Variants in FAM135B observed in about 807,000 individuals in gnomAD.
FAM135B encodes family with sequence similarity 135 member B.
In FAM135B, 43 loss-of-function variants were observed where a neutral mutation model predicts 127.7. The observed-to-expected ratio is 0.34, with a 90% CI of 0.26 to 0.43. The LOEUF (loss-of-function observed/expected upper bound fraction) is 0.43, where lower values mean the gene tolerates loss of function less well. Ranked by LOEUF, FAM135B falls within the 20% of genes least tolerant of loss-of-function variation. The probability of loss-of-function intolerance (pLI) is 1.00; values close to 1 mark genes in which losing one functional copy is unlikely to be tolerated. For missense variants in FAM135B, 1,558 were observed against 1,725.6 expected (o/e 0.90, Z 1.72); for synonymous variants, 670 against 665.1 (o/e 1.01, Z -0.11).
chr8:138,315,646 C>G (rs1052731269), intron 2 of FAM135B, among the ~76,000 whole-genome samples: 1 of 147,140 alleles, frequency 6.8e-6, no homozygotes, highest in African/African-American at 2.5e-5. Context: ...TACACATGCA[C>G]TCAAACAATG....
At chr8:138,481,912 A>T (rs1424202293) in intron 1 of FAM135B, among the ~76,000 whole-genome samples, 2 of 152,220 alleles carry the variant, frequency 1.3e-5, no homozygotes, top group Non-Finnish European at 2.9e-5. Context: ...AAATGATTGG[A>T]ATAGTCAGGC....
chr8:138,209,805 T>C (rs747461845), intron 7 of FAM135B, among the ~76,000 whole-genome samples: 10 of 152,050 alleles, frequency 6.6e-5, no homozygotes, highest in Non-Finnish European at 1.5e-4. Flanking sequence ...AGAGGTTAAG[T>C]CAATGGCCCC....
intron 11 of FAM135B, among the ~76,000 whole-genome samples, chr8:138,176,940 G>A (rs554306712): frequency 2.5e-4 from 38 of 152,222 alleles, no homozygotes; most frequent in African/African-American, 8.7e-4. Context: ...TAATTACGTA[G>A]TTCAGACTTA....
chr8:138,169,363 T>G (rs1356633325), intron 11 of FAM135B, among the ~76,000 whole-genome samples: 2 of 152,060 alleles, frequency 1.3e-5, no homozygotes, highest in East Asian at 3.9e-4. Flanking sequence ...TGTTCTTCTC[T>G]GAATATTTAA....
At chr8:138,428,556 G>C (rs1363565135) in intron 1 of FAM135B, among the ~76,000 whole-genome samples, 1 of 152,024 alleles carries the variant, frequency 6.6e-6, no homozygotes, top group South Asian at 2.1e-4. Flanking sequence ...CAATTTGCAG[G>C]TGTGTTAATG....
intron 1 of FAM135B, among the ~76,000 whole-genome samples, chr8:138,446,991 G>A (rs201625531): frequency 8.3e-4 from 126 of 152,190 alleles, no homozygotes; most frequent in East Asian, 5.8e-3. Flanking sequence ...AAAAGTGGGC[G>A]AAGGATATGA....
In FAM135B at chr8:138,141,569, A is replaced by G. The variant is rs1817151592; in HGVS notation, c.3639-220T>C. Among the ~76,000 whole-genome samples the G allele has an allele frequency of 6.6e-6, 1 of 152,216 alleles. No homozygotes were observed. Among genetic ancestry groups the G allele is most frequent in the Non-Finnish European group, 1.5e-5 (1 of 68,038 alleles). ...CTTTGTGAATGGGAGCTTTGTGCCC[A>G]GTCAGGGGAGAAGTGTGGGCATTTC... On this transcript the variant is annotated intron_variant, in intron 16 of 19. Coordinates refer to ENST00000395297, the MANE Select transcript of FAM135B (RefSeq NM_015912.4). This position sits in a 1 kb window ranked among gnomAD's most constrained non-coding sequence, Gnocchi z 4.7.
intron 1 of FAM135B, among the ~76,000 whole-genome samples, chr8:138,379,272 C>G (rs1036485977): frequency 2.6e-5 from 4 of 152,124 alleles, no homozygotes; most frequent in Non-Finnish European, 4.4e-5. Flanking sequence ...TTACGGGTTA[C>G]CCTAATCGAA....
intron 7 of FAM135B, among the ~76,000 whole-genome samples, chr8:138,228,950 T>C (rs1819690462): frequency 6.6e-6 from 1 of 152,176 alleles, no homozygotes; most frequent in Non-Finnish European, 1.5e-5. Flanking sequence ...GTTAGTCTGC[T>C]GATTGGGTTC....
chr8:138,269,842 A>G (rs1226471674), intron 3 of FAM135B, among the ~76,000 whole-genome samples: 1 of 152,154 alleles, frequency 6.6e-6, no homozygotes, highest in Non-Finnish European at 1.5e-5. Flanking sequence ...CAAAATCCAA[A>G]CAGATTTCTT....
In FAM135B at chr8:138,214,941, G is replaced by T. The variant is rs549888983; in HGVS notation, c.670-17272C>A. On this transcript the variant is annotated intron_variant, in intron 7 of 19. Transcript: ENST00000395297. ...GATAAGAAGGAATTAGGACATATTTGCAGGCAGTGGAAGAAGGGGAAGAGG... is the reference window on the plus strand; with the variant it reads ...GATAAGAAGGAATTAGGACATATTTTCAGGCAGTGGAAGAAGGGGAAGAGG... 3.3e-5 allele frequency among the ~76,000 whole-genome samples: 5 copies of T among 152,298 alleles called. No homozygotes were observed. In the South Asian group the frequency reaches 1.0e-3, roughly 32 times the overall value.
intron 1 of FAM135B, among the ~76,000 whole-genome samples, chr8:138,393,501 T>C (rs1587335775): frequency 6.6e-6 from 1 of 151,236 alleles, no homozygotes; most frequent in Admixed American, 6.6e-5. Flanking sequence ...CCATAAATGG[T>C]GCTAGGTCCT....
chr8:138,478,427 A>C (rs887527756), intron 1 of FAM135B, among the ~76,000 whole-genome samples: 7 of 152,120 alleles, frequency 4.6e-5, no homozygotes, highest in African/African-American at 1.7e-4. Context: ...CCTTGATTCC[A>C]TAGTCCCTCA....
chr8:138,254,946 C>G (rs1019288916), intron 5 of FAM135B, among the ~76,000 whole-genome samples: 1 of 151,702 alleles, frequency 6.6e-6, no homozygotes, highest in African/African-American at 2.4e-5. Context: ...ATGTTATGAA[C>G]AGTCCCATAA....
chr8:138,194,917 C>A (rs1247487204), intron 9 of FAM135B, among the ~76,000 whole-genome samples: 2 of 152,204 alleles, frequency 1.3e-5, no homozygotes, highest in Non-Finnish European at 2.9e-5. Context: ...TGCACAGGTA[C>A]AAGATTCTGT....
In FAM135B at chr8:138,497,256, G is replaced by A. The variant is rs1815434987; in HGVS notation, c.-605C>T. 6.6e-6 allele frequency among the ~76,000 whole-genome samples: 1 copy of A among 150,472 alleles called. No homozygotes were observed. Among genetic ancestry groups the A allele is most frequent in the African/African-American group, 2.4e-5 (1 of 41,234 alleles). On this transcript the variant is annotated 5_prime_UTR_variant, in exon 1 of 20. Transcript: ENST00000395297. The stretch of plus-strand genomic sequence containing the variant: ...TGCGCACCGCGTGGGTAGACGCTGC[G>A]CGACTGGCTGGCGGCGCGGCTCACG...
intron 3 of FAM135B, among the ~76,000 whole-genome samples, chr8:138,295,600 G>A (rs1218946367): frequency 6.6e-6 from 1 of 152,172 alleles, no homozygotes; most frequent in African/African-American, 2.4e-5. Context: ...GGAGTAGCCT[G>A]TGAGCAGAGT....
chr8:138,275,404 G>C (rs1823741159), intron 3 of FAM135B, among the ~76,000 whole-genome samples: 1 of 152,100 alleles, frequency 6.6e-6, no homozygotes, highest in Admixed American at 6.6e-5. Context: ...CTAGATGTTG[G>C]CCAGGCACGA....
intron 1 of FAM135B, among the ~76,000 whole-genome samples, chr8:138,482,795 C>T (rs1008352937): frequency 6.6e-6 from 1 of 152,154 alleles, no homozygotes; most frequent in African/African-American, 2.4e-5. Context: ...GGCTTCAGAG[C>T]CAGTGTTCCT....
Sources: allele counts gnomAD v4.1 joint callset (sites outside exome capture counted in the v4.1 genomes callset), GRCh38; gene constraint gnomAD v4.1.1; non-coding constraint Gnocchi (gnomAD v3.1); transcripts MANE v1.5; gene names NCBI Gene and HGNC (gene_info 2026-07-23, HGNC 2026-07-21).